RABGEF1: variants seen among roughly 807,000 people sequenced by gnomAD.
The protein encoded by RABGEF1 is RAB guanine nucleotide exchange factor 1.
In RABGEF1, 26 loss-of-function variants were observed where a neutral mutation model predicts 57.3. The observed-to-expected ratio is 0.45, with a 90% CI of 0.33 to 0.63. RABGEF1 has a LOEUF of 0.63. Ranked by LOEUF, RABGEF1 falls within the 20% of genes least tolerant of loss-of-function variation. The pLI is 0.02. For missense variants in RABGEF1, 464 were observed against 607.6 expected (o/e 0.76, Z 2.48); for synonymous variants, 185 against 210.7 (o/e 0.88, Z 1.06).
chr7:66,663,999 G>C, the RABGEF1 span, among the ~76,000 whole-genome samples: 1 of 151,766 alleles, frequency 6.6e-6, no homozygotes. Flanking sequence ...GCTTGAACCC[G>C]GGAGGTGGAG....
chr7:66,794,286 T>C (rs989325326), intron 4 of RABGEF1, among the ~76,000 whole-genome samples: 2 of 150,560 alleles, frequency 1.3e-5, no homozygotes, highest in Non-Finnish European at 3.0e-5. Context: ...TTCTTTCCTT[T>C]CTCTCCTTTC....
At chr7:66,743,205 G>A (rs184005276) in intron 1 of RABGEF1, among the ~76,000 whole-genome samples, 2 of 152,008 alleles carry the variant, frequency 1.3e-5, no homozygotes. Flanking sequence ...TACTCAGGAG[G>A]CTGAGGTAGG....
intron 1 of RABGEF1, among the ~76,000 whole-genome samples, chr7:66,696,180 T>C (rs1488142443): frequency 6.6e-6 from 1 of 152,078 alleles, no homozygotes; most frequent in Non-Finnish European, 1.5e-5. Context: ...ATCCTCTCGC[T>C]TCTGGCCCCC....
intron 1 of RABGEF1, among the ~76,000 whole-genome samples, chr7:66,702,284 T>C (rs1170608342): frequency 6.6e-6 from 1 of 152,144 alleles, no homozygotes; most frequent in Non-Finnish European, 1.5e-5. Context: ...GACCACAATT[T>C]GTTTATCCAT....
At chr7:66,674,958 TA>T in the RABGEF1 span, among the ~76,000 whole-genome samples, 1 of 151,678 alleles carries the variant, frequency 6.6e-6, no homozygotes, top group African/African-American at 2.4e-5. Flanking sequence ...AAACTATATA[TA>T]TATATATATA....
At chr7:66,736,839 C>T (rs185871369), upstream of RABGEF1, among the ~76,000 whole-genome samples, 2 of 152,008 alleles carry the variant, frequency 1.3e-5, no homozygotes, top group Non-Finnish European at 2.9e-5. Context: ...CCAGCCAGGG[C>T]GACAGAGCGA....
At chr7:66,669,607 C>T in the RABGEF1 span, 1 of 152,266 alleles carries the variant, frequency 6.6e-6, no homozygotes, top group Non-Finnish European at 1.5e-5. Context: ...ACTTGCTTTT[C>T]AGTAGCTTTG....
the RABGEF1 span, among the ~76,000 whole-genome samples, chr7:66,668,244 A>T: frequency 6.6e-6 from 1 of 151,986 alleles, no homozygotes; most frequent in Admixed American, 6.6e-5. Context: ...ACCATACACC[A>T]CCATGCCCGG....
chr7:66,794,074 C>G (rs1813405838), intron 4 of RABGEF1, among the ~76,000 whole-genome samples: 1 of 152,048 alleles, frequency 6.6e-6, no homozygotes, highest in South Asian at 2.1e-4. Flanking sequence ...CTGTTTTCAT[C>G]CTAGTGATGG....
intron 1 of RABGEF1, among the ~76,000 whole-genome samples, chr7:66,763,610 A>G (rs907181045): frequency 6.6e-6 from 1 of 152,112 alleles, no homozygotes; most frequent in Non-Finnish European, 1.5e-5. Context: ...ACTTTAGAAC[A>G]TTTTCATCAT....
intron 1 of RABGEF1, among the ~76,000 whole-genome samples, chr7:66,745,520 A>G (rs1430133811): frequency 6.6e-6 from 1 of 152,048 alleles, no homozygotes; most frequent in Non-Finnish European, 1.5e-5. Context: ...TAATCCCAAC[A>G]CTTTGGGAGG....
chr7:66,746,789 A>G (rs1309438137), intron 1 of RABGEF1, among the ~76,000 whole-genome samples: 1 of 126,626 alleles, frequency 7.9e-6, no homozygotes. Context: ...ACGTCCGGCT[A>G]ATTTTTTTTT....
At chr7:66,744,041 C>CTTTTCT (rs1799616743) in intron 1 of RABGEF1, among the ~76,000 whole-genome samples, 1 of 95,012 alleles carries the variant, frequency 1.1e-5, no homozygotes, top group African/African-American at 2.9e-5. Flanking sequence ...CTTTTCTTTT[C>CTTTTCT]TTTTTTTTTT....
chr7:66,798,649 A>G (rs528514873), intron 6 of RABGEF1, among the ~76,000 whole-genome samples: 1 of 152,250 alleles, frequency 6.6e-6, no homozygotes, highest in African/African-American at 2.4e-5. Context: ...CCTCCTATAC[A>G]AGCTCCAGTG....
chr7:66,682,802 C>A (rs1789982385), intron 1 of RABGEF1, among the ~76,000 whole-genome samples: 2 of 152,198 alleles, frequency 1.3e-5, no homozygotes, highest in Admixed American at 1.3e-4. Flanking sequence ...TGACTTCCAC[C>A]CCGTGGCTGA....
chr7:66,716,989 G>C (rs921208848), intron 2 of RABGEF1, among the ~76,000 whole-genome samples: 1 of 152,198 alleles, frequency 6.6e-6, no homozygotes. Flanking sequence ...ATGTTGGCCA[G>C]GCTAGTCTCA....
At chr7:66,770,231 C>T (rs746222154) in intron 1 of RABGEF1, 6 of 152,098 alleles carry the variant, frequency 3.9e-5, no homozygotes, top group Admixed American at 1.3e-4. Flanking sequence ...TAATAAGATC[C>T]CCAAGATATA....
chr7:66,659,055 C>A, the RABGEF1 span, among the ~76,000 whole-genome samples: 2 of 152,156 alleles, frequency 1.3e-5, no homozygotes, highest in African/African-American at 2.4e-5. Flanking sequence ...AACACTAACT[C>A]ATTCTATGAG....
At chr7:66,752,721 A>C (rs1425247130) in intron 1 of RABGEF1, among the ~76,000 whole-genome samples, 1 of 152,222 alleles carries the variant, frequency 6.6e-6, no homozygotes, top group Non-Finnish European at 1.5e-5. Context: ...GGCCAGTTGA[A>C]TCAGAAACTC....
Sources: allele counts gnomAD v4.1 joint callset (sites outside exome capture counted in the v4.1 genomes callset), GRCh38; gene constraint gnomAD v4.1.1; transcripts MANE v1.5; gene names NCBI Gene and HGNC (gene_info 2026-07-23, HGNC 2026-07-21).